Variants in STXBP5L observed in about 807,000 individuals in gnomAD.
The protein encoded by STXBP5L is syntaxin-binding protein 5-like.
STXBP5L carries 65 observed loss-of-function variants against 144.5 expected under a neutral mutation model. The observed-to-expected ratio is 0.45, with a 90% CI of 0.37 to 0.55. STXBP5L has a LOEUF of 0.55. Among genes scored for constraint, STXBP5L ranks in the 20% least tolerant of loss-of-function variants. The pLI is 0.00. For synonymous variants in STXBP5L, 505 were observed against 469.6 expected, an observed-to-expected ratio of 1.08 and a Z score of -0.97; for missense variants, 1,298 against 1,405.5, an observed-to-expected ratio of 0.92 and a Z score of 1.22.
chr3:121,239,020 G>A lies in STXBP5L; in HGVS notation c.1234G>A (p.Val412Ile), dbSNP rs1377466255. ...TCCCATGGACATTCATGAATCACCA[G>A]TTACATGCACAGCATACTTTGCAGA... The part of the protein sequence containing the change: ...PYPMDIHESP[V>I]TCTAYFADCP... The change falls in exon 13 of 27, where the codon GTT becomes ATT. Residue 412 changes from valine (V) to isoleucine (I), a missense_variant. By Grantham distance (29) the Val-to-Ile change is conservative. Transcript: ENST00000471454. The A allele has an allele frequency of 6.2e-7, 1 of 1,609,418 alleles. No individual in the cohort carries two copies. Among genetic ancestry groups the A allele is most frequent in the Non-Finnish European group, 8.5e-7 (1 of 1,177,996 alleles).
intron 7 of STXBP5L, among the ~76,000 whole-genome samples, chr3:121,132,407 C>A (rs139392378): frequency 6.6e-6 from 1 of 152,320 alleles, no homozygotes; most frequent in Non-Finnish European, 1.5e-5. Context: ...GATGCCATAG[C>A]TACCCCACTG....
intron 5 of STXBP5L, among the ~76,000 whole-genome samples, chr3:121,054,769 A>G (rs1314438352): frequency 6.9e-6 from 1 of 144,108 alleles, no homozygotes; most frequent in Non-Finnish European, 1.5e-5. Context: ...GAGTTGTTTT[A>G]CTGTTTCTTT....
intron 2 of STXBP5L, among the ~76,000 whole-genome samples, chr3:120,910,055 A>C (rs1708751635): frequency 6.6e-6 from 1 of 152,248 alleles, no homozygotes; most frequent in Non-Finnish European, 1.5e-5. Context: ...TATTATATTA[A>C]CTGAAGAAGC....
At chr3:121,237,526 G>T (rs1274819163) in intron 12 of STXBP5L, among the ~76,000 whole-genome samples, 3 of 152,130 alleles carry the variant, frequency 2.0e-5, no homozygotes, top group East Asian at 3.9e-4. Flanking sequence ...TTAATACCTT[G>T]CTCTCTTACT....
chr3:121,304,279 C>G (rs2043256696), intron 19 of STXBP5L, among the ~76,000 whole-genome samples: 1 of 152,146 alleles, frequency 6.6e-6, no homozygotes, highest in South Asian at 2.1e-4. Flanking sequence ...ATTCTACCAT[C>G]ATTGCTGGAA....
intron 19 of STXBP5L, among the ~76,000 whole-genome samples, chr3:121,288,146 A>G (rs2051296680): frequency 6.6e-6 from 1 of 152,204 alleles, no homozygotes; most frequent in South Asian, 2.1e-4. Flanking sequence ...AGCTCTATTC[A>G]TGTTGCTGCA....
intron 20 of STXBP5L, among the ~76,000 whole-genome samples, chr3:121,354,167 G>A (rs1156536641): frequency 6.6e-6 from 1 of 152,156 alleles, no homozygotes; most frequent in Admixed American, 6.5e-5. Context: ...GTTGATTTGG[G>A]GTGGAGAGTT....
In STXBP5L at chr3:121,033,572, T is replaced by TAA. The variant is rs11334060; in HGVS notation, c.288-8115_288-8114dup. 4.7e-3 allele frequency among the ~76,000 whole-genome samples: 662 copies of TAA among 141,398 alleles called. 3 individuals carry two copies. The highest frequency in any genetic ancestry group is 0.026 in the Middle Eastern group (7 of 272). 92.8% of individuals were successfully genotyped at this position (141,398 alleles called of 152,430 possible). On this transcript the variant is annotated intron_variant, in intron 3 of 26. Coordinates refer to ENST00000471454, the MANE Select transcript of STXBP5L (RefSeq NM_001308330.2). ...TGTACCCTAAAACTTAAAGTACAAT[T>TAA]AAAAAAAAAAAAAACATTAAAAAAT...
intron 19 of STXBP5L, among the ~76,000 whole-genome samples, chr3:121,315,766 C>A (rs1281828646): frequency 1.3e-5 from 2 of 152,166 alleles, no homozygotes; most frequent in Admixed American, 1.3e-4. Flanking sequence ...CTTTGGGAGG[C>A]TGAGGCAGGC....
At chr3:120,969,466 T>C (rs1939992327) in intron 3 of STXBP5L, among the ~76,000 whole-genome samples, 1 of 151,740 alleles carries the variant, frequency 6.6e-6, no homozygotes, top group South Asian at 2.1e-4. Flanking sequence ...CTTTGTTGGC[T>C]GGATAGTTTG....
At chr3:121,316,813 C>G (rs1299323562) in intron 19 of STXBP5L, among the ~76,000 whole-genome samples, 1 of 152,214 alleles carries the variant, frequency 6.6e-6, no homozygotes, top group Non-Finnish European at 1.5e-5. Context: ...ATCTCTCACT[C>G]ACTAGTCATT....
intron 20 of STXBP5L, among the ~76,000 whole-genome samples, chr3:121,359,144 C>T (rs764308320): frequency 6.6e-6 from 1 of 152,084 alleles, no homozygotes; most frequent in African/African-American, 2.4e-5. Flanking sequence ...TGGATATAAG[C>T]CATTTTAACT....
At chr3:121,122,968 A>C (rs1288296234) in intron 7 of STXBP5L, among the ~76,000 whole-genome samples, 1 of 151,552 alleles carries the variant, frequency 6.6e-6, no homozygotes, top group Non-Finnish European at 1.5e-5. Flanking sequence ...ATCAATATAT[A>C]ATATCTAATG....
intron 3 of STXBP5L, among the ~76,000 whole-genome samples, chr3:121,019,451 G>A (rs2108201045): frequency 6.6e-6 from 1 of 152,252 alleles, no homozygotes. Context: ...CTCATGGCTG[G>A]AGGCCAACCA....
At chr3:121,377,282 A>G (rs2046211416) in intron 20 of STXBP5L, among the ~76,000 whole-genome samples, 1 of 152,230 alleles carries the variant, frequency 6.6e-6, no homozygotes, top group Admixed American at 6.5e-5. Context: ...ATGGACAAAG[A>G]TTTCGTGACT....
chr3:121,183,971 G>A (rs1307359754), intron 9 of STXBP5L, among the ~76,000 whole-genome samples: 1 of 152,026 alleles, frequency 6.6e-6, no homozygotes, highest in Non-Finnish European at 1.5e-5. Flanking sequence ...GAGAAGAGGG[G>A]CCTGGCTGTT....
chr3:121,318,261 C>G (rs991208572), intron 19 of STXBP5L, among the ~76,000 whole-genome samples: 1 of 151,542 alleles, frequency 6.6e-6, no homozygotes, highest in Non-Finnish European at 1.5e-5. Flanking sequence ...AGTTCAAGAC[C>G]AACCTGGGCA....
intron 20 of STXBP5L, among the ~76,000 whole-genome samples, chr3:121,367,611 T>G (rs1349725365): frequency 6.3e-5 from 9 of 142,072 alleles, no homozygotes; most frequent in Middle Eastern, 7.0e-3. Flanking sequence ...TTTTTTTTTT[T>G]TTTTTTTTTT....
intron 5 of STXBP5L, among the ~76,000 whole-genome samples, chr3:121,098,435 G>T (rs529855823): frequency 5.6e-4 from 86 of 152,246 alleles, no homozygotes; most frequent in Middle Eastern, 3.4e-3. Context: ...CCTCATTATC[G>T]TGAAGACAGT....
Sources: gnomAD v4.1 joint callset for allele counts (sites outside exome capture counted in the v4.1 genomes callset) on GRCh38, gnomAD v4.1.1 for gene constraint, MANE v1.5 for transcripts, NCBI Gene and HGNC (gene_info 2026-07-23, HGNC 2026-07-21) for gene names.